The following CNTNAP5 variants were observed in gnomAD, a reference collection of about 807,000 sequenced individuals.
The protein encoded by CNTNAP5 is contactin-associated protein-like 5.
In CNTNAP5, 72 loss-of-function variants were observed where a neutral mutation model predicts 150.2. The observed-to-expected ratio is 0.48, with a 90% CI of 0.40 to 0.58. CNTNAP5 has a LOEUF of 0.58. Ranked by LOEUF, CNTNAP5 falls within the 20% of genes least tolerant of loss-of-function variation. The pLI is 0.00. For synonymous variants in CNTNAP5, 672 were observed against 619.8 expected, an observed-to-expected ratio of 1.08 and a Z score of -1.25; for missense variants, 1,636 against 1,626.2, an observed-to-expected ratio of 1.01 and a Z score of -0.10.
rs56676705 is a variant in CNTNAP5, at chr2:124,856,075, GGTGTGTGTGTGTGTGTGTGTGT to G, written c.3218-9214_3218-9193del. ...TTCTTATGGCTGAGTAATAGTCCAT[GGTGTGTGTGTGTGTGTGTGTGT>G]GTGTGTGTGTGTGTGTATAAAAAAA... On this transcript the variant is annotated intron_variant, in intron 19 of 23. Coordinates refer to ENST00000682447, the MANE Select transcript of CNTNAP5 (RefSeq NM_001367498.1). Among the ~76,000 whole-genome samples, 3 of 144,232 alleles carry G rather than the reference GGTGTGTGTGTGTGTGTGTGTGT, an allele frequency of 2.1e-5. No individual in the cohort carries two copies. The South Asian group carries it at 6.9e-4, about 33-fold the overall frequency. The allele number at this position is 144,232 out of a possible 152,430, so 94.6% of individuals were successfully genotyped here. A position where few individuals can be genotyped will look rare whatever the true frequency, so the allele number is the denominator to read the frequency against.
rs200662433 is a variant in CNTNAP5, at chr2:124,915,193, TATAC to T, written c.*907_*910del. 3,135 of 164,862 alleles carry T rather than the reference TATAC, an allele frequency of 0.019. 83 individuals are homozygous for T. Among genetic ancestry groups the T allele is most frequent in the African/African-American group, 0.06 (2,453 of 40,756 alleles). 10.2% of individuals were successfully genotyped at this position (164,862 alleles called of 1,614,324 possible). A position where few individuals can be genotyped will look rare whatever the true frequency, so the allele number is the denominator to read the frequency against. ...ATATGTATATATATATGTGAGTATA[TATAC>T]ACACACACACACACACACACATATA... On this transcript the variant is annotated 3_prime_UTR_variant, in exon 24 of 24. Transcript: ENST00000682447.
intron 10 of CNTNAP5, among the ~76,000 whole-genome samples, chr2:124,562,454 G>T (rs1695913846): frequency 6.6e-6 from 1 of 152,038 alleles, no homozygotes; most frequent in African/African-American, 2.4e-5. Context: ...CACTTATGTT[G>T]ATTCACCATT....
intron 12 of CNTNAP5, among the ~76,000 whole-genome samples, chr2:124,632,225 T>C (rs1475160769): frequency 1.3e-5 from 2 of 152,164 alleles, no homozygotes; most frequent in African/African-American, 2.4e-5. Flanking sequence ...GGAATGTAAA[T>C]TATTCTATTA....
chr2:124,035,565 G>A (rs1244181138), intron 1 of CNTNAP5, among the ~76,000 whole-genome samples: 4 of 152,170 alleles, frequency 2.6e-5, no homozygotes, highest in South Asian at 2.1e-4. Context: ...TAGAGTGCAC[G>A]GGAACCCAGG....
intron 3 of CNTNAP5, among the ~76,000 whole-genome samples, chr2:124,370,034 C>T (rs945456253): frequency 1.3e-5 from 2 of 152,086 alleles, no homozygotes. Context: ...TACATAATCA[C>T]TACTGTATCC....
intron 13 of CNTNAP5, among the ~76,000 whole-genome samples, chr2:124,737,795 C>T (rs1276179370): frequency 6.6e-6 from 1 of 152,056 alleles, no homozygotes; most frequent in Non-Finnish European, 1.5e-5. Context: ...GGTCTGTCGT[C>T]GACTAGCTGA....
chr2:124,635,314 A>G (rs534598439), intron 12 of CNTNAP5, among the ~76,000 whole-genome samples: 2 of 152,254 alleles, frequency 1.3e-5, no homozygotes, highest in African/African-American at 4.8e-5. Flanking sequence ...TGAGAACAGT[A>G]TTCGGGAGGA....
chr2:124,828,221 C>A lies in CNTNAP5; in HGVS notation c.3217+29901C>A, dbSNP rs554534199. ...TATTGGCCAGACGCGTTGGCTCACA[C>A]CTCTAATCTCAGCACTTTGCGAGGC... On this transcript the variant is annotated intron_variant, in intron 19 of 23. Transcript: ENST00000682447. Among the ~76,000 whole-genome samples the A allele has an allele frequency of 2.3e-4, 35 of 152,246 alleles. No homozygotes were observed. The South Asian group carries it at 7.3e-3, about 32-fold the overall frequency.
intron 3 of CNTNAP5, among the ~76,000 whole-genome samples, chr2:124,356,771 G>C (rs1690022043): frequency 1.3e-5 from 2 of 151,568 alleles, no homozygotes; most frequent in Non-Finnish European, 2.9e-5. Flanking sequence ...AAACATACGT[G>C]TGCATGTGTC....
At chr2:124,711,990 A>G (rs1679818266) in intron 13 of CNTNAP5, among the ~76,000 whole-genome samples, 1 of 152,164 alleles carries the variant, frequency 6.6e-6, no homozygotes, top group Non-Finnish European at 1.5e-5. Context: ...CAACAGAAAG[A>G]ATTACATCCA....
chr2:124,743,010 C>T (rs1680528590), intron 13 of CNTNAP5, among the ~76,000 whole-genome samples: 1 of 152,258 alleles, frequency 6.6e-6, no homozygotes, highest in East Asian at 1.9e-4. Flanking sequence ...CAGTGCATAA[C>T]GCAGACCTCT....
At chr2:124,523,526 T>G (rs976093819) in intron 8 of CNTNAP5, among the ~76,000 whole-genome samples, 5 of 152,092 alleles carry the variant, frequency 3.3e-5, no homozygotes, top group Admixed American at 3.3e-4. Flanking sequence ...TTCAGTAAGG[T>G]AGGTCAGCAG....
intron 13 of CNTNAP5, among the ~76,000 whole-genome samples, chr2:124,666,680 C>A (rs957820084): frequency 6.6e-6 from 1 of 152,100 alleles, no homozygotes; most frequent in South Asian, 2.1e-4. Flanking sequence ...AAATGGTACA[C>A]CACTATGCAC....
chr2:124,898,382 C>T (rs972300809), intron 21 of CNTNAP5, among the ~76,000 whole-genome samples: 3 of 151,332 alleles, frequency 2.0e-5, no homozygotes, highest in Admixed American at 6.6e-5. Flanking sequence ...CACATACACA[C>T]ACAAACCTGC....
At position 124,917,059 on chromosome 2, in the gene CNTNAP5, C is replaced by T. The variant is rs1022151222; in HGVS notation, c.*2771C>T. On this transcript the variant is annotated 3_prime_UTR_variant, in exon 24 of 24. Transcript: ENST00000682447. The stretch of plus-strand genomic sequence containing the variant: ...TGTTCAATTGTGTGAGTGTTTTAAT[C>T]CTTCTGCAATTATCATCTCGAAGGA... Among the ~76,000 whole-genome samples the T allele has an allele frequency of 6.6e-6, 1 of 152,042 alleles. No individual in the cohort carries two copies. The highest frequency in any genetic ancestry group is 2.1e-4 in the South Asian group (1 of 4,830).
At chr2:124,167,256 G>A (rs963528017) in intron 1 of CNTNAP5, among the ~76,000 whole-genome samples, 2 of 152,078 alleles carry the variant, frequency 1.3e-5, no homozygotes, top group African/African-American at 2.4e-5. Context: ...AAAACATGTT[G>A]CTTCTGCTCC....
At chr2:124,840,011 A>G (rs577803702) in intron 19 of CNTNAP5, among the ~76,000 whole-genome samples, 1 of 152,240 alleles carries the variant, frequency 6.6e-6, no homozygotes, top group South Asian at 2.1e-4. Context: ...GGTTTTCTGA[A>G]TCACATTTAT....
At chr2:124,828,735 C>CAAAAAAAAAAAAAAAAAAAAA (rs60339676) in intron 19 of CNTNAP5, among the ~76,000 whole-genome samples, 2 of 23,110 alleles carry the variant, frequency 8.7e-5, no homozygotes, top group Non-Finnish European at 8.4e-5. Flanking sequence ...CAAGTGTTGG[C>CAAAAAAAAAAAAAAAAAAAAA]AAAAAAAAAA....
At position 124,025,415 on chromosome 2, in the gene CNTNAP5, G is replaced by T; in HGVS notation, c.-236G>T. On this transcript the variant is annotated 5_prime_UTR_variant, in exon 1 of 24. Coordinates refer to ENST00000682447, the MANE Select transcript of CNTNAP5 (RefSeq NM_001367498.1). Reference sequence around the variant, plus strand: ...GAGAAGGAAGAGGCGGGCGAGGAAGGCGAGTCCAGCTAGCGGCTGTTGCGG... The same window carrying T: ...GAGAAGGAAGAGGCGGGCGAGGAAGTCGAGTCCAGCTAGCGGCTGTTGCGG... 1.8e-6 allele frequency: 1 copy of T among 569,042 alleles called. No individual in the cohort carries two copies. The highest frequency in any genetic ancestry group is 3.2e-6 in the Non-Finnish European group (1 of 317,012). The allele number at this position is 569,042 out of a possible 1,614,324, so 35.2% of individuals were successfully genotyped here.
Sources: allele counts gnomAD v4.1 joint callset (sites outside exome capture counted in the v4.1 genomes callset), GRCh38; gene constraint gnomAD v4.1.1; transcripts MANE v1.5; gene names NCBI Gene and HGNC (gene_info 2026-07-23, HGNC 2026-07-21).